Variants in POLQ observed in about 807,000 individuals in gnomAD.
The protein encoded by POLQ is epididymis secretory sperm binding protein.
Under a neutral mutation model 259.2 loss-of-function variants are expected in POLQ, and 233 were observed. That is an observed-to-expected ratio of 0.90 (90% CI 0.81 to 1.00). POLQ has a LOEUF of 1.00. Among genes scored for constraint, POLQ ranks in the 50% least tolerant of loss-of-function variants. The pLI is 0.00. For missense variants in POLQ, 2,871 were observed against 3,051.6 expected, an observed-to-expected ratio of 0.94 and a Z score of 1.39; for synonymous variants, 1,025 against 1,048.8, an observed-to-expected ratio of 0.98 and a Z score of 0.44.
In POLQ at chr3:121,476,651, T is replaced by C; in HGVS notation, c.6294A>G (p.Glu2098=). The C allele has an allele frequency of 6.2e-7, 1 of 1,613,748 alleles. No homozygotes were observed. The change falls in exon 20 of 30, where the codon GAA becomes GAG. Residue 2098 remains glutamate (E), a synonymous_variant. Coordinates refer to ENST00000264233, the MANE Select transcript of POLQ (RefSeq NM_199420.4). ...ELNGIGFSTA[E]CESQKHIMQA... Reference sequence around the variant, plus strand: ...GCATTATATGTTTCTGACTTTCACATTCTGCAGTACTAAAGCCAATTCCAT... The same window carrying C: ...GCATTATATGTTTCTGACTTTCACACTCTGCAGTACTAAAGCCAATTCCAT...
chr3:121,453,981 C>G (rs373100060), intron 25 of POLQ, among the ~76,000 whole-genome samples: 16 of 152,238 alleles, frequency 1.1e-4, no homozygotes, highest in East Asian at 3.9e-4. Context: ...CAGCCAGAGA[C>G]AAAGGTCGGG....
At chr3:121,479,157 T>G (rs1444581045) in intron 19 of POLQ, among the ~76,000 whole-genome samples, 1 of 152,120 alleles carries the variant, frequency 6.6e-6, no homozygotes, top group Non-Finnish European at 1.5e-5. Context: ...TAAAAACCAT[T>G]CTTCTAAATA....
intron 9 of POLQ, among the ~76,000 whole-genome samples, chr3:121,515,026 G>A (rs2877516): frequency 0.13 from 19,051 of 152,144 alleles, 1,250 homozygotes; most frequent in East Asian, 0.15. Context: ...GCCCCAGGTG[G>A]AAGATGCCTA....
intron 15 of POLQ, among the ~76,000 whole-genome samples, chr3:121,492,633 A>G (rs2048077844): frequency 6.6e-6 from 1 of 151,498 alleles, no homozygotes. Context: ...ACTTTTGCTC[A>G]GTACTTTTTT....
intron 25 of POLQ, among the ~76,000 whole-genome samples, chr3:121,457,939 T>C (rs1234985168): frequency 6.6e-6 from 1 of 152,192 alleles, no homozygotes; most frequent in African/African-American, 2.4e-5. Context: ...TGCACACGTA[T>C]GTTTATTGCG....
At chr3:121,473,215 C>T in intron 21 of POLQ, 135 bp downstream of exon 21, 1 of 816,186 alleles carries the variant, frequency 1.2e-6, no homozygotes, top group Non-Finnish European at 1.9e-6. Context: ...AAACCACAAA[C>T]CAATGTGTTA....
intron 7 of POLQ, among the ~76,000 whole-genome samples, chr3:121,526,408 T>G (rs1446029057): frequency 1.3e-5 from 2 of 152,308 alleles, no homozygotes; most frequent in East Asian, 1.9e-4. Context: ...TAAACCCAAC[T>G]GCATTTGCAC....
intron 2 of POLQ, among the ~76,000 whole-genome samples, chr3:121,543,086 T>C (rs1037680417): frequency 6.6e-6 from 1 of 152,064 alleles, no homozygotes; most frequent in African/African-American, 2.4e-5. Context: ...AAGATGATAA[T>C]GAGCTGTACC....
At chr3:121,486,015 G>A (rs150404658) in intron 16 of POLQ, among the ~76,000 whole-genome samples, 5 of 152,292 alleles carry the variant, frequency 3.3e-5, no homozygotes, top group Non-Finnish European at 7.3e-5. Context: ...CACGCAATAA[G>A]ACAGGAATAT....
intron 12 of POLQ, among the ~76,000 whole-genome samples, chr3:121,502,058 C>T (rs1350708188): frequency 6.6e-6 from 1 of 151,084 alleles, no homozygotes; most frequent in Non-Finnish European, 1.5e-5. Context: ...TCACCAAAAC[C>T]ATATTTCAAT....
At chr3:121,520,126 A>G (rs1205924932) in intron 8 of POLQ, 43 bp from the exon 9 acceptor site, 1 of 1,096,382 alleles carries the variant, frequency 9.1e-7, no homozygotes, top group Admixed American at 1.8e-5. Context: ...TATATAACGA[A>G]AATATTATAC....
chr3:121,518,315 T>C (rs2048313364), intron 9 of POLQ, among the ~76,000 whole-genome samples: 1 of 152,158 alleles, frequency 6.6e-6, no homozygotes, highest in Non-Finnish European at 1.5e-5. Context: ...TTGGGGGTCA[T>C]GTTAAACAGC....
In POLQ at chr3:121,494,982, T is replaced by C. The variant is rs144635531; in HGVS notation, c.2279-1261A>G. ...AATTTTCAAAAAAAAAAAAAAAGCA[T>C]GTAAAGATGCTGGGCGCAGTGGCTC... On this transcript the variant is annotated intron_variant, in intron 14 of 29. Transcript: ENST00000264233. 348 of 709,912 alleles carry C rather than the reference T, an allele frequency of 4.9e-4. 1 individual carries two copies. The African/African-American group carries it at 5.6e-3, about 11-fold the overall frequency. The allele number at this position is 709,912 out of a possible 1,614,324, so 44.0% of individuals were successfully genotyped here.
At chr3:121,438,084 T>C (rs2047559766) in intron 27 of POLQ, among the ~76,000 whole-genome samples, 1 of 152,204 alleles carries the variant, frequency 6.6e-6, no homozygotes, top group Non-Finnish European at 1.5e-5. Flanking sequence ...AGCTCTGTGA[T>C]AATTTAGTGA....
In POLQ at chr3:121,517,383, T is replaced by A. The variant is rs187478812; in HGVS notation, c.1468+2488A>T. Among the ~76,000 whole-genome samples, 1,264 of 152,174 alleles carry A rather than the reference T, an allele frequency of 8.3e-3. 16 individuals carry two copies. Among genetic ancestry groups the A allele is most frequent in the African/African-American group, 0.028 (1,180 of 41,542 alleles). The stretch of plus-strand genomic sequence containing the variant: ...AATTGGAAGTTTTGTTTTTTTTTTT[T>A]AAATCATCAAAATTTTCAGGGCTTA... On this transcript the variant is annotated intron_variant, in intron 9 of 29. Coordinates refer to ENST00000264233, the MANE Select transcript of POLQ (RefSeq NM_199420.4).
intron 4 of POLQ, among the ~76,000 whole-genome samples, chr3:121,538,412 T>TATTCTCCCCACCCCAA (rs2048465710): frequency 6.6e-6 from 1 of 152,010 alleles, no homozygotes; most frequent in African/African-American, 2.4e-5. Context: ...CATGTACTGG[T>TATTCTCCCCACCCCAA]ATTCTCCCCA....
rs1295507033 is a variant in POLQ at position 121,493,628 on chromosome 3, C to T, written c.2372G>A (p.Arg791Lys). The change falls in exon 15 of 30, where the codon AGG becomes AAG. Residue 791 changes from arginine to lysine, a missense_variant. By Grantham distance (26) the Arg-to-Lys change is conservative. This residue lies in a region of POLQ where 2,080 missense variants were observed against 2,126.0 expected (regional missense o/e 0.98). Transcript: ENST00000264233. ...TACCCGAACCAGGTCACACAGCTCC[C>T]TCTGGATGCCAAACGTAAGACGCTT... ...FQKRLTFGIQ[R>K]ELCDLVRVSL... is the part of the protein sequence containing the mutation. 1.2e-6 allele frequency: 2 copies of T among 1,613,968 alleles called. No homozygotes were observed. Among genetic ancestry groups the T allele is most frequent in the East Asian group, 2.2e-5 (1 of 44,888 alleles).
chr3:121,501,607 A>G (rs1255093221), intron 12 of POLQ, among the ~76,000 whole-genome samples: 3 of 126,608 alleles, frequency 2.4e-5, no homozygotes, highest in Admixed American at 2.0e-4. Flanking sequence ...GCTTGCAGTG[A>G]GCCGAGATCC....
intron 25 of POLQ, among the ~76,000 whole-genome samples, chr3:121,457,779 T>C (rs981425806): frequency 7.9e-5 from 12 of 152,278 alleles, no homozygotes; most frequent in Admixed American, 3.3e-4. Flanking sequence ...ACTTTTACAC[T>C]GTTGGTGGGA....
Sources: gnomAD v4.1 joint callset for allele counts (sites outside exome capture counted in the v4.1 genomes callset) on GRCh38, gnomAD v4.1.1 for gene constraint, gnomAD v4.1.1 regional missense constraint, MANE v1.5 for transcripts, NCBI Gene and HGNC (gene_info 2026-07-23, HGNC 2026-07-21) for gene names.